The following HS6ST3 variants were observed in gnomAD, a reference collection of about 807,000 sequenced individuals.
HS6ST3 encodes heparan-sulfate 6-O-sulfotransferase 3.
In HS6ST3, 12 loss-of-function variants were observed where a neutral mutation model predicts 36.7. That is an observed-to-expected ratio of 0.33 (90% confidence interval 0.21 to 0.53). The LOEUF (loss-of-function observed/expected upper bound fraction) is 0.53, where lower values mean the gene tolerates loss of function less well. Among genes scored for constraint, HS6ST3 ranks in the 20% least tolerant of loss-of-function variants. The pLI is 0.95. For synonymous variants in HS6ST3, 240 were observed against 257.5 expected (o/e 0.93, Z 0.65); for missense variants, 584 against 640.9 (o/e 0.91, Z 0.96).
At chr13:96,173,103 T>G (rs2139335492) in intron 1 of HS6ST3, among the ~76,000 whole-genome samples, 1 of 152,228 alleles carries the variant, frequency 6.6e-6, no homozygotes, top group Admixed American at 6.5e-5. Context: ...AAGAAAAGAA[T>G]AGATATACAG....
intron 1 of HS6ST3, among the ~76,000 whole-genome samples, chr13:96,824,221 G>A (rs1878601913): frequency 6.6e-6 from 1 of 152,230 alleles, no homozygotes; most frequent in Non-Finnish European, 1.5e-5. Flanking sequence ...TTCTAAGTCA[G>A]CATGAGGGAG....
chr13:96,313,164 G>A lies in HS6ST3; in HGVS notation c.707+221595G>A, dbSNP rs576200640. On this transcript the variant is annotated intron_variant, in intron 1 of 1. Coordinates refer to ENST00000376705, the MANE Select transcript of HS6ST3 (RefSeq NM_153456.4). ...TACTGGAAGCTGGCAACTGCCTCGA[G>A]GTAGCTGCTGGATTGAGAGCCTGCT... Among the ~76,000 whole-genome samples the A allele has an allele frequency of 5.3e-5, 8 of 151,980 alleles. No individual in the cohort carries two copies. In the South Asian group the frequency reaches 1.7e-3, roughly 32 times the overall value.
At chr13:96,512,108 C>G (rs113500481) in intron 1 of HS6ST3, among the ~76,000 whole-genome samples, 180 of 152,220 alleles carry the variant, frequency 1.2e-3, no homozygotes, top group African/African-American at 3.9e-3. Context: ...TTTCTCTTGC[C>G]TAATTGCTCT....
chr13:96,581,042 AG>A (rs2056340102), intron 1 of HS6ST3, among the ~76,000 whole-genome samples: 1 of 152,208 alleles, frequency 6.6e-6, no homozygotes, highest in East Asian at 1.9e-4. Flanking sequence ...TAAACAGAAA[AG>A]TTAAAAGAAC....
At chr13:96,711,077 CT>C (rs1875550092) in intron 1 of HS6ST3, among the ~76,000 whole-genome samples, 1 of 152,190 alleles carries the variant, frequency 6.6e-6, no homozygotes, top group Admixed American at 6.5e-5. Context: ...CTGAACCTGT[CT>C]TATGTGTCAC....
intron 1 of HS6ST3, among the ~76,000 whole-genome samples, chr13:96,413,418 G>T (rs2055518218): frequency 6.6e-6 from 1 of 152,116 alleles, no homozygotes; most frequent in South Asian, 2.1e-4. Context: ...TTGGAGTGAA[G>T]ATATTTCAGT....
chr13:96,270,774 C>A (rs902660798), intron 1 of HS6ST3, among the ~76,000 whole-genome samples: 1 of 151,838 alleles, frequency 6.6e-6, no homozygotes, highest in Admixed American at 6.6e-5. Flanking sequence ...AAGCTTGAAA[C>A]GATGGAGCTC....
chr13:96,346,466 T>C (rs927317140), intron 1 of HS6ST3, among the ~76,000 whole-genome samples: 1 of 151,536 alleles, frequency 6.6e-6, no homozygotes, highest in Non-Finnish European at 1.5e-5. Flanking sequence ...CCTAGCTACA[T>C]TGGGAGGCTG....
At chr13:96,094,636 A>G (rs573691419) in intron 1 of HS6ST3, among the ~76,000 whole-genome samples, 3 of 152,314 alleles carry the variant, frequency 2.0e-5, no homozygotes, top group African/African-American at 7.2e-5. Flanking sequence ...AGGTGAGAAC[A>G]TCTAGGACTG....
At chr13:96,607,819 G>GA (rs1423557756) in intron 1 of HS6ST3, among the ~76,000 whole-genome samples, 10 of 152,148 alleles carry the variant, frequency 6.6e-5, no homozygotes, top group African/African-American at 9.7e-5. Context: ...GTGTGCTAGA[G>GA]AAAAAATTAA....
chr13:96,679,319 T>C, intron 1 of HS6ST3, among the ~76,000 whole-genome samples: 1 of 151,872 alleles, frequency 6.6e-6, no homozygotes, highest in Admixed American at 6.6e-5. Context: ...ATTAACAATA[T>C]GAGACTTGAG....
At chr13:96,193,544 T>TC in intron 1 of HS6ST3, among the ~76,000 whole-genome samples, 1 of 152,140 alleles carries the variant, frequency 6.6e-6, no homozygotes, top group Non-Finnish European at 1.5e-5. Flanking sequence ...CAGCGATCAA[T>TC]TTAAACAGGT....
chr13:96,151,089 G>T (rs1026693553), intron 1 of HS6ST3, among the ~76,000 whole-genome samples: 12 of 152,056 alleles, frequency 7.9e-5, no homozygotes, highest in African/African-American at 2.7e-4. Context: ...AATAATTCTA[G>T]CCAGTCCACT....
At chr13:96,522,538 T>A (rs960566442) in intron 1 of HS6ST3, among the ~76,000 whole-genome samples, 44 of 152,220 alleles carry the variant, frequency 2.9e-4, no homozygotes, top group Non-Finnish European at 1.0e-4. Context: ...TGCTCCTGTA[T>A]TGGGTGCATA....
At chr13:96,259,194 C>T (rs1258561379) in intron 1 of HS6ST3, among the ~76,000 whole-genome samples, 1 of 151,968 alleles carries the variant, frequency 6.6e-6, no homozygotes, top group African/African-American at 2.4e-5. Flanking sequence ...GCATGGGTGT[C>T]CTTGCACTTG....
At chr13:96,416,909 T>C (rs1229172761) in intron 1 of HS6ST3, among the ~76,000 whole-genome samples, 1 of 152,070 alleles carries the variant, frequency 6.6e-6, no homozygotes, top group East Asian at 1.9e-4. Flanking sequence ...CCTGCCACCA[T>C]GCCCGGCTAA....
chr13:96,647,899 ATCT>A lies in HS6ST3; in HGVS notation c.708-184587_708-184585del, dbSNP rs576748953. Among the ~76,000 whole-genome samples, 483 of 152,142 alleles carry A rather than the reference ATCT, an allele frequency of 3.2e-3. 1 individual carries two copies. Among genetic ancestry groups the A allele is most frequent in the Non-Finnish European group, 4.5e-3 (303 of 67,966 alleles). On this transcript the variant is annotated intron_variant, in intron 1 of 1. Coordinates refer to ENST00000376705, the MANE Select transcript of HS6ST3 (RefSeq NM_153456.4). ...CTTACCTTTATTTCTTCATTTGGAAATCTTCTGAACTCTTTAATATGGACATTT... is the reference window on the plus strand; with the variant it reads ...CTTACCTTTATTTCTTCATTTGGAAATCTGAACTCTTTAATATGGACATTT...
At position 96,832,478 on chromosome 13, in the gene HS6ST3, A is replaced by T. The variant is rs1460967446; in HGVS notation, c.708-12A>T. 4 of 1,529,302 alleles carry T rather than the reference A, an allele frequency of 2.6e-6. No homozygotes were observed. The highest frequency in any genetic ancestry group is 2.1e-5 in the Admixed American group (1 of 46,888). 94.7% of individuals were successfully genotyped at this position (1,529,302 alleles called of 1,614,324 possible). A position where few individuals can be genotyped will look rare whatever the true frequency, so the allele number is the denominator to read the frequency against. Reference sequence around the variant, plus strand: ...TGTCAACTACTGATGCTCTTCCTCTAATTTCTTCTAGGAATTTCTATTACA... The same window carrying T: ...TGTCAACTACTGATGCTCTTCCTCTTATTTCTTCTAGGAATTTCTATTACA... On this transcript the variant is annotated splice_polypyrimidine_tract_variant and intron_variant, in intron 1 of 1. Coordinates refer to ENST00000376705, the MANE Select transcript of HS6ST3 (RefSeq NM_153456.4).
chr13:96,729,865 T>G (rs1009648263), intron 1 of HS6ST3, among the ~76,000 whole-genome samples: 1 of 152,258 alleles, frequency 6.6e-6, no homozygotes, highest in Non-Finnish European at 1.5e-5. Flanking sequence ...TTCATTTGGA[T>G]AGCAATTGGC....
Sources: allele counts gnomAD v4.1 joint callset (sites outside exome capture counted in the v4.1 genomes callset), GRCh38; gene constraint gnomAD v4.1.1; transcripts MANE v1.5; gene names NCBI Gene and HGNC (gene_info 2026-07-23, HGNC 2026-07-21).